Variants in MACROD1 observed in about 807,000 individuals in gnomAD.
MACROD1 encodes the protein mono-ADP ribosylhydrolase 1, also known as ADP-ribose glycohydrolase MACROD1.
Under a neutral mutation model 41.4 loss-of-function variants are expected in MACROD1, and 31 were observed. The observed-to-expected ratio is 0.75, with a 90% CI of 0.56 to 1.01. The LOEUF (loss-of-function observed/expected upper bound fraction) is 1.01. Ranked by LOEUF, MACROD1 falls within the 50% of genes least tolerant of loss-of-function variation. The pLI is 0.00. For synonymous variants in MACROD1, 252 were observed against 203.4 expected (o/e 1.24, Z -2.03); for missense variants, 473 against 460.0 (o/e 1.03, Z -0.26).
intron 3 of MACROD1, among the ~76,000 whole-genome samples, chr11:64,080,623 TTA>T (rs1294760444): frequency 6.6e-6 from 1 of 152,190 alleles, no homozygotes; most frequent in Non-Finnish European, 1.5e-5. Flanking sequence ...AGGGTTACGT[TTA>T]TGATACAGTT....
At chr11:64,107,530 T>C (rs1224959853) in intron 3 of MACROD1, among the ~76,000 whole-genome samples, 1 of 147,448 alleles carries the variant, frequency 6.8e-6, no homozygotes, top group African/African-American at 2.4e-5. Context: ...TTATAGTGGA[T>C]TTGCATACCT....
At chr11:64,083,647 G>A (rs1176082475) in intron 3 of MACROD1, among the ~76,000 whole-genome samples, 2 of 152,256 alleles carry the variant, frequency 1.3e-5, no homozygotes, top group Non-Finnish European at 2.9e-5. Flanking sequence ...AGAGGCCGCA[G>A]TGAGATGCCA....
intron 3 of MACROD1, chr11:64,104,144 T>C (rs921753036): frequency 3.9e-5 from 6 of 152,248 alleles, no homozygotes; most frequent in African/African-American, 1.4e-4. Flanking sequence ...GTGACCCCAG[T>C]CAAACCCAGA....
intron 3 of MACROD1, among the ~76,000 whole-genome samples, chr11:64,109,298 G>A (rs1446337114): frequency 1.3e-5 from 2 of 152,282 alleles, no homozygotes; most frequent in East Asian, 1.9e-4. Flanking sequence ...AAGCCACCAC[G>A]AGGGGTGGGG....
At chr11:64,016,157 C>T (rs975399976) in intron 3 of MACROD1, among the ~76,000 whole-genome samples, 3 of 152,206 alleles carry the variant, frequency 2.0e-5, no homozygotes, top group South Asian at 2.1e-4. Context: ...TCAGTCTGTC[C>T]GATCGGCTGC....
chr11:64,021,006 G>A (rs1943145242), intron 3 of MACROD1, among the ~76,000 whole-genome samples: 1 of 152,074 alleles, frequency 6.6e-6, no homozygotes, highest in Non-Finnish European at 1.5e-5. Context: ...TGTGAGTCAC[G>A]GCGCCCGGCC....
chr11:64,149,519 G>C lies in MACROD1; in HGVS notation c.517+1720C>G, dbSNP rs548444690. ...AGTGTTAATCACGCCCACAGCCCGGGTGCAGCCTCCGGAGCGCCCCCATTC... is the reference window on the plus strand; with the variant it reads ...AGTGTTAATCACGCCCACAGCCCGGCTGCAGCCTCCGGAGCGCCCCCATTC... On this transcript the variant is annotated intron_variant, in intron 3 of 10. Transcript: ENST00000255681. Among the ~76,000 whole-genome samples the C allele has an allele frequency of 3.9e-4, 60 of 152,284 alleles. 1 individual carries two copies. In the South Asian group the frequency reaches 7.7e-3, roughly 19 times the overall value.
At chr11:64,045,733 C>T (rs1943572814) in intron 3 of MACROD1, among the ~76,000 whole-genome samples, 1 of 152,130 alleles carries the variant, frequency 6.6e-6, no homozygotes, top group South Asian at 2.1e-4. Flanking sequence ...CCCTGGATGC[C>T]AAAAACCAGA....
chr11:63,998,797 T>C lies in MACROD1; in HGVS notation c.*30+41A>G, dbSNP rs1942760085. 6 of 1,480,406 alleles carry C rather than the reference T, an allele frequency of 4.1e-6. No homozygotes were observed. The East Asian group carries it at 1.4e-4, about 35-fold the overall frequency. 91.7% of individuals were successfully genotyped at this position (1,480,406 alleles called of 1,614,324 possible). ...GAGCGGGGGTTAGTGGGCGGGTTAGTCTAGGGCCGGGGCCGCCGCACGGGG... is the reference window on the plus strand; with the variant it reads ...GAGCGGGGGTTAGTGGGCGGGTTAGCCTAGGGCCGGGGCCGCCGCACGGGG... On this transcript the variant is annotated intron_variant, in intron 10 of 10. Coordinates refer to ENST00000255681, the MANE Select transcript of MACROD1 (RefSeq NM_014067.4).
chr11:64,160,989 T>G (rs539043528), intron 1 of MACROD1, among the ~76,000 whole-genome samples: 2 of 151,684 alleles, frequency 1.3e-5, no homozygotes, highest in African/African-American at 2.4e-5. Context: ...CTGGCCAACA[T>G]GGTGAAACTC....
intron 3 of MACROD1, among the ~76,000 whole-genome samples, chr11:64,037,877 T>C (rs1164476972): frequency 6.6e-6 from 1 of 152,218 alleles, no homozygotes; most frequent in South Asian, 2.1e-4. Flanking sequence ...TAAAATGGGA[T>C]TGATAGTGCC....
chr11:64,113,048 G>A (rs914212965), intron 3 of MACROD1, among the ~76,000 whole-genome samples: 2 of 152,218 alleles, frequency 1.3e-5, no homozygotes, highest in Non-Finnish European at 1.5e-5. Context: ...GCAACCCACA[G>A]AGTGCTGCAA....
intron 3 of MACROD1, among the ~76,000 whole-genome samples, chr11:64,114,804 G>A (rs1334513704): frequency 6.6e-6 from 1 of 152,166 alleles, no homozygotes; most frequent in African/African-American, 2.4e-5. Flanking sequence ...GTAGGTGGGT[G>A]GACAGATGGA....
chr11:64,062,867 C>CG (rs1364320270), intron 3 of MACROD1, among the ~76,000 whole-genome samples: 1 of 152,206 alleles, frequency 6.6e-6, no homozygotes, highest in East Asian at 1.9e-4. Context: ...CCCGGCCCCG[C>CG]CTCCTAGGCC....
intron 3 of MACROD1, among the ~76,000 whole-genome samples, chr11:64,089,225 C>T (rs368504729): frequency 1.3e-4 from 20 of 152,266 alleles, no homozygotes; most frequent in Middle Eastern, 6.8e-3. Flanking sequence ...CATTGCACCG[C>T]GGAGGTGAGG....
chr11:64,112,049 A>AG (rs1944872133), intron 3 of MACROD1, among the ~76,000 whole-genome samples: 2 of 152,212 alleles, frequency 1.3e-5, no homozygotes, highest in South Asian at 4.1e-4. Context: ...TCCTTCTGCC[A>AG]GGGGACCATG....
chr11:64,014,832 T>G (rs570248875), intron 4 of MACROD1, among the ~76,000 whole-genome samples: 1 of 152,262 alleles, frequency 6.6e-6, no homozygotes, highest in South Asian at 2.1e-4. Flanking sequence ...CTGGCAGCTC[T>G]CTCCCTGACT....
At chr11:64,074,622 C>G (rs1944169050) in intron 3 of MACROD1, among the ~76,000 whole-genome samples, 1 of 152,234 alleles carries the variant, frequency 6.6e-6, no homozygotes, top group Non-Finnish European at 1.5e-5. Flanking sequence ...CTGAACTGGG[C>G]TTTCCCCAAG....
chr11:64,047,360 G>A lies in MACROD1; in HGVS notation c.518-32079C>T, dbSNP rs188475920. Among the ~76,000 whole-genome samples, 575 of 152,274 alleles carry A rather than the reference G, an allele frequency of 3.8e-3. 2 individuals are homozygous for A. Among genetic ancestry groups the A allele is most frequent in the Non-Finnish European group, 6.6e-3 (447 of 68,026 alleles). Reference sequence around the variant, plus strand: ...AAGGCGAAACCTGAGGCTCAGGGAGGTTCAGTCACTGGGCCAAGGTCACCC... The same window carrying A: ...AAGGCGAAACCTGAGGCTCAGGGAGATTCAGTCACTGGGCCAAGGTCACCC... On this transcript the variant is annotated intron_variant, in intron 3 of 10. Coordinates refer to ENST00000255681, the MANE Select transcript of MACROD1 (RefSeq NM_014067.4).
Sources: allele counts gnomAD v4.1 joint callset (sites outside exome capture counted in the v4.1 genomes callset), GRCh38; gene constraint gnomAD v4.1.1; transcripts MANE v1.5; gene names NCBI Gene and HGNC (gene_info 2026-07-23, HGNC 2026-07-21).